The following USP28 variants were observed in gnomAD, a reference collection of about 807,000 sequenced individuals.
USP28 encodes the protein ubiquitin specific peptidase 28, also known as ubiquitin carboxyl-terminal hydrolase 28.
In USP28, 113 loss-of-function variants were observed where a neutral mutation model predicts 145.0. The ratio of observed to expected loss-of-function variants is 0.78; its 90% CI spans 0.67 to 0.91. The LOEUF (loss-of-function observed/expected upper bound fraction) is 0.91. Ranked by LOEUF, USP28 falls within the 40% of genes least tolerant of loss-of-function variation. The pLI, the probability that USP28 is intolerant of heterozygous loss-of-function variation, is 0.00. For synonymous variants in USP28, 447 were observed against 450.9 expected (o/e 0.99, Z 0.11); for missense variants, 1,201 against 1,289.6 (o/e 0.93, Z 1.05).
In USP28 at chr11:113,803,293, G is replaced by A. The variant is rs534645297; in HGVS notation, c.2739-12C>T. On this transcript the variant is annotated splice_polypyrimidine_tract_variant and intron_variant, in intron 22 of 24. Coordinates refer to ENST00000003302, the Ensembl canonical transcript of USP28. The stretch of plus-strand genomic sequence containing the variant: ...GTGCCTCTTGGTACCTTAGAAAAAT[G>A]GGAGATAAACAACAGCTGAGTGCTC... The A allele has an allele frequency of 5.6e-5, 89 of 1,599,814 alleles. 1 individual carries two copies. The South Asian group carries it at 9.6e-4, about 17-fold the overall frequency.
chr11:113,845,760 A>G (rs1291083368), intron 3 of USP28, among the ~76,000 whole-genome samples: 1 of 152,188 alleles, frequency 6.6e-6, no homozygotes, highest in Admixed American at 6.5e-5. Flanking sequence ...TCTTTTGTAG[A>G]GACAGGGATT....
intron 7 of USP28, among the ~76,000 whole-genome samples, chr11:113,833,101 C>T (rs893799984): frequency 1.3e-5 from 2 of 152,204 alleles, no homozygotes; most frequent in Non-Finnish European, 2.9e-5. Context: ...CTTGGTATCC[C>T]TTTTGTTACA....
At chr11:113,840,485 CCCT>C in intron 5 of USP28, 110 bp downstream of exon 5, 1 of 1,348,724 alleles carries the variant, frequency 7.4e-7, no homozygotes, top group Non-Finnish European at 9.9e-7. Context: ...AGAAAAACTC[CCCT>C]AATTTTAAAT....
chr11:113,871,104 T>C (rs369799510), intron 1 of USP28, among the ~76,000 whole-genome samples: 62 of 152,290 alleles, frequency 4.1e-4, no homozygotes, highest in Admixed American at 1.2e-3. Flanking sequence ...TGATTGGCAG[T>C]GTATGCTTGT....
intron 15 of USP28, among the ~76,000 whole-genome samples, chr11:113,813,291 C>T (rs1301138962): frequency 1.3e-5 from 2 of 152,056 alleles, no homozygotes; most frequent in African/African-American, 4.8e-5. Context: ...TCCCCTCCTC[C>T]AAGCCATTCT....
chr11:113,837,666 C>A (rs190589188), intron 5 of USP28, among the ~76,000 whole-genome samples: 58 of 152,278 alleles, frequency 3.8e-4, no homozygotes, highest in African/African-American at 1.3e-3. Context: ...GTCTTAACTA[C>A]CCTTCATTAA....
intron 3 of USP28, among the ~76,000 whole-genome samples, chr11:113,846,937 G>A (rs1297410090): frequency 6.6e-6 from 1 of 151,964 alleles, no homozygotes; most frequent in African/African-American, 2.4e-5. Context: ...GAAGGTTGCA[G>A]TGAGCCGAGA....
chr11:113,871,865 G>A (rs1948853602), intron 1 of USP28, among the ~76,000 whole-genome samples: 1 of 152,166 alleles, frequency 6.6e-6, no homozygotes, highest in Non-Finnish European at 1.5e-5. Flanking sequence ...CTGTGATCCA[G>A]GGCAATGGGC....
chr11:113,825,737 C>T (rs1412031330), intron 11 of USP28, among the ~76,000 whole-genome samples: 3 of 152,162 alleles, frequency 2.0e-5, no homozygotes, highest in Non-Finnish European at 4.4e-5. Context: ...ACAACCAGAA[C>T]AGGGTACCTA....
chr11:113,809,945 G>A (rs1488323491), intron 16 of USP28, among the ~76,000 whole-genome samples: 1 of 146,266 alleles, frequency 6.8e-6, no homozygotes, highest in Non-Finnish European at 1.5e-5. Flanking sequence ...TGAAGTGGGA[G>A]AATCGCTTGA....
chr11:113,854,423 T>A (rs889756759), intron 1 of USP28, 88 bp from the exon 2 acceptor site: 75 of 1,298,226 alleles, frequency 5.8e-5, no homozygotes, highest in Non-Finnish European at 7.9e-5. Flanking sequence ...GCATCTTGGA[T>A]AAACAGGCCT....
intron 5 of USP28, among the ~76,000 whole-genome samples, chr11:113,836,381 C>T (rs149424269): frequency 1.3e-5 from 2 of 152,158 alleles, no homozygotes; most frequent in African/African-American, 2.4e-5. Context: ...CAACTCCCAT[C>T]GCCGCTCACT....
At chr11:113,836,275 A>T (rs1944560366) in intron 5 of USP28, among the ~76,000 whole-genome samples, 1 of 152,046 alleles carries the variant, frequency 6.6e-6, no homozygotes, top group African/African-American at 2.4e-5. Context: ...CGCCATTCAC[A>T]TCTAGTAAGT....
At chr11:113,827,417 T>C (rs1349065965) in intron 10 of USP28, 57 bp from the exon 11 acceptor site, 1 of 1,499,670 alleles carries the variant, frequency 6.7e-7, no homozygotes, top group Non-Finnish European at 8.9e-7. Flanking sequence ...GAAATTACAA[T>C]AACCAGATTT....
chr11:113,854,504 C>T (rs1946832378), intron 1 of USP28, among the ~76,000 whole-genome samples, 169 bp from the exon 2 acceptor site: 1 of 152,190 alleles, frequency 6.6e-6, no homozygotes, highest in African/African-American at 2.4e-5. Flanking sequence ...CAGGTTCAAG[C>T]GATTCTCCTG....
At chr11:113,818,139 T>C (rs554965197) in intron 12 of USP28, 3 of 227,558 alleles carry the variant, frequency 1.3e-5, no homozygotes, top group Non-Finnish European at 2.5e-5. Context: ...TGGTCATTTA[T>C]TTATTTTTTA....
rs147110959 is a variant in USP28 at position 113,810,471 on chromosome 11, T to C, written c.1973-1217A>G. Among the ~76,000 whole-genome samples, 1,016 of 152,342 alleles carry C rather than the reference T, an allele frequency of 6.7e-3. 17 individuals are homozygous for C. The highest frequency in any genetic ancestry group is 7.4e-3 in the Non-Finnish European group (502 of 68,030). ...GACAGTTTCCACTTGTTTGTTTCTA[T>C]AATAGAAAAATAAACCATGCATGCA... On this transcript the variant is annotated intron_variant, in intron 16 of 24. Transcript: ENST00000003302.
chr11:113,854,177 T>C (rs1946786756), intron 2 of USP28, 81 bp downstream of exon 2: 4 of 1,304,356 alleles, frequency 3.1e-6, no homozygotes, highest in South Asian at 1.3e-5. Flanking sequence ...AATTTGGGAA[T>C]AGAAATAGCT....
In USP28 at chr11:113,817,899, G is replaced by A. The variant is rs1368715951; in HGVS notation, c.1284-62C>T. 3.2e-5 allele frequency: 50 copies of A among 1,555,522 alleles called. No homozygotes were observed. In the East Asian group the frequency reaches 1.1e-3, roughly 33 times the overall value. ...GCTGTTTTGTATTTTAAGAGTCGCT[G>A]ACAAAAGATCTGTTTATCACAGCAA... On this transcript the variant is annotated intron_variant, in intron 12 of 24. Coordinates refer to ENST00000003302, the Ensembl canonical transcript of USP28.
Sources: allele counts gnomAD v4.1 joint callset (sites outside exome capture counted in the v4.1 genomes callset), GRCh38; gene constraint gnomAD v4.1.1; transcripts MANE v1.5; gene names NCBI Gene and HGNC (gene_info 2026-07-23, HGNC 2026-07-21).